CSNK1A1: variants seen among roughly 807,000 people sequenced by gnomAD.
The protein encoded by CSNK1A1 is casein kinase 1 alpha 1.
CSNK1A1 carries 7 observed loss-of-function variants against 46.1 expected under a neutral mutation model. That is an observed-to-expected ratio of 0.15 (90% confidence interval 0.09 to 0.29). CSNK1A1 has a LOEUF of 0.29. Among genes scored for constraint, CSNK1A1 ranks in the 10% least tolerant of loss-of-function variants. The pLI, the probability that CSNK1A1 is intolerant of heterozygous loss-of-function variation, is 1.00. For synonymous variants in CSNK1A1, 137 were observed against 141.5 expected (o/e 0.97, Z 0.23); for missense variants, 96 against 417.1 (o/e 0.23, Z 6.71).
intron 4 of CSNK1A1, among the ~76,000 whole-genome samples, chr5:149,519,477 G>A (rs750640275): frequency 3.3e-5 from 5 of 152,036 alleles, no homozygotes; most frequent in Non-Finnish European, 7.4e-5. Flanking sequence ...CTGTCTGCCC[G>A]AGCTCAACAT....
intron 2 of CSNK1A1, among the ~76,000 whole-genome samples, chr5:149,540,893 T>C (rs1580858580): frequency 6.6e-6 from 1 of 151,594 alleles, no homozygotes; most frequent in South Asian, 2.1e-4. Context: ...GCCTGGCCAA[T>C]ACGGTGAAAC....
At chr5:149,504,919 T>G (rs1047735882) in intron 9 of CSNK1A1, 2 of 985,442 alleles carry the variant, frequency 2.0e-6, no homozygotes, top group African/African-American at 3.5e-5. Flanking sequence ...AGATAGACAC[T>G]TTGGGGGTAA....
intron 9 of CSNK1A1, chr5:149,497,864 C>T (rs924366062): frequency 6.2e-6 from 6 of 973,342 alleles, no homozygotes; most frequent in African/African-American, 5.3e-5. Flanking sequence ...GAGACAGTCT[C>T]GCTCTGTCAC....
intron 2 of CSNK1A1, among the ~76,000 whole-genome samples, chr5:149,544,559 T>C (rs867073895): frequency 1.1e-4 from 16 of 151,294 alleles, no homozygotes; most frequent in Middle Eastern, 3.4e-3. Flanking sequence ...CAATTTAGAA[T>C]GGAACACACA....
chr5:149,513,343 T>C, intron 4 of CSNK1A1, 134 bp from the exon 5 acceptor site: 1 of 835,858 alleles, frequency 1.2e-6, no homozygotes. Context: ...ATAGAACAGA[T>C]AATGAACAGA....
rs973797876 is a variant in CSNK1A1 at position 149,550,529 on chromosome 5, T to C, written c.123+313A>G. Among the ~76,000 whole-genome samples the C allele has an allele frequency of 1.4e-5, 2 of 144,528 alleles. No homozygotes were observed. Among genetic ancestry groups the C allele is most frequent in the African/African-American group, 5.2e-5 (2 of 38,742 alleles). The allele number at this position is 144,528 out of a possible 152,430, so 94.8% of individuals were successfully genotyped here. Reference sequence around the variant, plus strand: ...ATTAAGAATTAAAAAAAAAAAAACATGGGAATCACTGAAAGAGGATTTTGC... The same window carrying C: ...ATTAAGAATTAAAAAAAAAAAAACACGGGAATCACTGAAAGAGGATTTTGC... On this transcript the variant is annotated intron_variant, in intron 1 of 9. Transcript: ENST00000377843. This position sits in a 1 kb window ranked among gnomAD's most constrained non-coding sequence, Gnocchi z 4.3.
chr5:149,517,902 G>C lies in CSNK1A1; in HGVS notation c.456+2388C>G. On this transcript the variant is annotated intron_variant, in intron 4 of 9. Coordinates refer to ENST00000377843, the MANE Select transcript of CSNK1A1 (RefSeq NM_001892.6). The surrounding 1 kb of genome is among the most constrained non-coding windows in gnomAD (Gnocchi z 4.4). ...ACTAAACAGACAATAGAGGGTGGCAGTGCATCAAACAGTATTGCTTACATT... is the reference window on the plus strand; with the variant it reads ...ACTAAACAGACAATAGAGGGTGGCACTGCATCAAACAGTATTGCTTACATT... 6.8e-7 allele frequency: 1 copy of C among 1,468,006 alleles called. No individual in the cohort carries two copies. Among genetic ancestry groups the C allele is most frequent in the Non-Finnish European group, 9.5e-7 (1 of 1,058,046 alleles). The allele number at this position is 1,468,006 out of a possible 1,614,324, so 90.9% of individuals were successfully genotyped here.
intron 2 of CSNK1A1, among the ~76,000 whole-genome samples, chr5:149,545,116 A>G (rs1057401879): frequency 6.7e-6 from 1 of 148,226 alleles, no homozygotes; most frequent in African/African-American, 2.5e-5. Context: ...AAAAAAAAAA[A>G]GTTACACTTG....
chr5:149,526,789 C>A (rs1293843487), intron 2 of CSNK1A1, among the ~76,000 whole-genome samples: 2 of 151,978 alleles, frequency 1.3e-5, no homozygotes, highest in Admixed American at 6.6e-5. Context: ...GGGGGGGGAG[C>A]CTCAAATCAG....
At chr5:149,548,730 T>C (rs1762561299) in intron 2 of CSNK1A1, among the ~76,000 whole-genome samples, 1 of 152,124 alleles carries the variant, frequency 6.6e-6, no homozygotes, top group South Asian at 2.1e-4. Flanking sequence ...GCGCCTGTAA[T>C]CCCAGCTACT....
At chr5:149,515,480 T>A (rs941478660) in intron 4 of CSNK1A1, among the ~76,000 whole-genome samples, 2 of 152,244 alleles carry the variant, frequency 1.3e-5, no homozygotes, top group African/African-American at 4.8e-5. Flanking sequence ...ACGATCTTCT[T>A]AAACATCTCA....
At chr5:149,512,302 C>A (rs762013508) in intron 5 of CSNK1A1, among the ~76,000 whole-genome samples, 2 of 151,688 alleles carry the variant, frequency 1.3e-5, no homozygotes, top group Non-Finnish European at 2.9e-5. Context: ...CACATACATA[C>A]AAATATATAT....
intron 9 of CSNK1A1, chr5:149,504,015 A>G (rs2113063228): frequency 1.0e-6 from 1 of 985,446 alleles, no homozygotes; most frequent in Middle Eastern, 5.2e-4. Context: ...CTAAAATGGT[A>G]GGACTGTTTT....
At position 149,517,715 on chromosome 5, in the gene CSNK1A1, A is replaced by G. The variant is rs1297848959; in HGVS notation, c.456+2575T>C. On this transcript the variant is annotated intron_variant, in intron 4 of 9. Transcript: ENST00000377843. This position sits in a 1 kb window ranked among gnomAD's most constrained non-coding sequence, Gnocchi z 4.4. ...CATTCTCCAGAATTAAAACAAAACAAAAATCATCAAAATAAAACAATAAAA... is the reference window on the plus strand; with the variant it reads ...CATTCTCCAGAATTAAAACAAAACAGAAATCATCAAAATAAAACAATAAAA... The G allele has an allele frequency of 4.2e-6, 4 of 961,438 alleles. No individual in the cohort carries two copies. Among genetic ancestry groups the G allele is most frequent in the Non-Finnish European group, 6.4e-6 (4 of 625,796 alleles). 59.6% of individuals were successfully genotyped at this position (961,438 alleles called of 1,614,324 possible).
At chr5:149,519,044 TA>T (rs1178093928) in intron 4 of CSNK1A1, among the ~76,000 whole-genome samples, 2 of 152,004 alleles carry the variant, frequency 1.3e-5, no homozygotes, top group Non-Finnish European at 2.9e-5. Flanking sequence ...TTTACAGTAA[TA>T]AAAACCTGGA....
At chr5:149,498,633 G>A (rs188132904) in intron 9 of CSNK1A1, 439 of 985,344 alleles carry the variant, frequency 4.5e-4, no homozygotes, top group Middle Eastern at 1.6e-3. Context: ...CCCCCATCAG[G>A]ATTTGGTTTC....
chr5:149,496,284 T>G lies in CSNK1A1; in HGVS notation c.*569A>C, dbSNP rs990839144. ...CTAGCACAATTAAGCAGGCAGAGTC[T>G]TTCATATGCTCAAACACTGGAATCT... On this transcript the variant is annotated 3_prime_UTR_variant, in exon 10 of 10. Coordinates refer to ENST00000377843, the MANE Select transcript of CSNK1A1 (RefSeq NM_001892.6). The G allele has an allele frequency of 6.5e-5, 10 of 152,902 alleles. No individual in the cohort carries two copies. The highest frequency in any genetic ancestry group is 2.4e-4 in the African/African-American group (10 of 41,450). The allele number at this position is 152,902 out of a possible 1,614,324, so 9.5% of individuals were successfully genotyped here.
intron 2 of CSNK1A1, among the ~76,000 whole-genome samples, chr5:149,548,476 A>G (rs1762549114): frequency 6.6e-6 from 1 of 152,032 alleles, no homozygotes; most frequent in Non-Finnish European, 1.5e-5. Context: ...CTGAGGCAGG[A>G]GGATCACTTG....
intron 2 of CSNK1A1, among the ~76,000 whole-genome samples, chr5:149,526,876 G>A (rs1462408665): frequency 6.6e-6 from 1 of 152,164 alleles, no homozygotes; most frequent in Non-Finnish European, 1.5e-5. Flanking sequence ...ATCTTATGTT[G>A]AGAGTAAGAG....
Sources: gnomAD v4.1 joint callset for allele counts (sites outside exome capture counted in the v4.1 genomes callset) on GRCh38, gnomAD v4.1.1 for gene constraint, Gnocchi (gnomAD v3.1) non-coding constraint, MANE v1.5 for transcripts, NCBI Gene and HGNC (gene_info 2026-07-23, HGNC 2026-07-21) for gene names.